The following DCBLD1 variants were observed in gnomAD, a reference collection of about 807,000 sequenced individuals.
DCBLD1 encodes discoidin, CUB and LCCL domain containing 1.
DCBLD1 carries 57 observed loss-of-function variants against 71.5 expected under a neutral mutation model. The ratio of observed to expected loss-of-function variants is 0.80; its 90% CI spans 0.64 to 0.99. DCBLD1 has a LOEUF of 0.99. DCBLD1 is among the 50% of genes least tolerant of loss of function. The pLI is 0.00. For synonymous variants in DCBLD1, 380 were observed against 363.8 expected (o/e 1.04, Z -0.51); for missense variants, 891 against 923.5 (o/e 0.96, Z 0.46).
intron 2 of DCBLD1, among the ~76,000 whole-genome samples, chr6:117,512,101 T>C (rs1327250085): frequency 6.6e-6 from 1 of 152,180 alleles, no homozygotes. Flanking sequence ...GGGTTCCTCC[T>C]CCTCTTTCCC....
intron 1 of DCBLD1, among the ~76,000 whole-genome samples, chr6:117,500,787 C>T (rs1398511880): frequency 1.3e-5 from 2 of 152,110 alleles, no homozygotes; most frequent in East Asian, 1.9e-4. Flanking sequence ...CGCTTGAACC[C>T]AGGAGGCAGA....
intron 14 of DCBLD1, chr6:117,560,794 A>G (rs1779570481): frequency 4.7e-6 from 1 of 212,656 alleles, no homozygotes; most frequent in Admixed American, 5.9e-5. Flanking sequence ...CGTTTTCTCA[A>G]CCATTCTGTT....
chr6:117,502,345 T>C (rs10782186), intron 1 of DCBLD1, among the ~76,000 whole-genome samples: 91,293 of 152,164 alleles, frequency 0.6, 29,286 homozygotes, highest in African/African-American at 0.85. Context: ...AATTCAGCCC[T>C]CTGTCAGGGG....
At chr6:117,558,418 C>G (rs564729875) in intron 14 of DCBLD1, among the ~76,000 whole-genome samples, 1 of 152,146 alleles carries the variant, frequency 6.6e-6, no homozygotes, top group Non-Finnish European at 1.5e-5. Flanking sequence ...GTTCCCCTCT[C>G]CATAAGCTGG....
intron 1 of DCBLD1, among the ~76,000 whole-genome samples, chr6:117,492,628 C>T (rs1262607224): frequency 6.6e-6 from 1 of 152,134 alleles, no homozygotes; most frequent in Non-Finnish European, 1.5e-5. Flanking sequence ...TTACTGGTAG[C>T]TAACCATTGC....
At chr6:117,525,930 A>G (rs1200037144) in intron 5 of DCBLD1, among the ~76,000 whole-genome samples, 1 of 152,170 alleles carries the variant, frequency 6.6e-6, no homozygotes, top group Non-Finnish European at 1.5e-5. Flanking sequence ...TGCATGTTGT[A>G]TCTCAGATAC....
intron 2 of DCBLD1, among the ~76,000 whole-genome samples, chr6:117,512,717 G>C (rs377242283): frequency 6.6e-6 from 1 of 151,816 alleles, no homozygotes; most frequent in South Asian, 2.1e-4. Context: ...GTTCTTATCT[G>C]TCATAAGAAA....
intron 4 of DCBLD1, among the ~76,000 whole-genome samples, chr6:117,524,602 C>A (rs1048961587): frequency 6.6e-6 from 1 of 152,020 alleles, no homozygotes; most frequent in Non-Finnish European, 1.5e-5. Flanking sequence ...CCACTAGCCA[C>A]GGGTACCTAA....
intron 14 of DCBLD1, chr6:117,562,396 T>C (rs899865401): frequency 3.0e-5 from 6 of 199,426 alleles, no homozygotes; most frequent in Non-Finnish European, 6.2e-5. Flanking sequence ...GCCAGGACTA[T>C]CACAAGACAA....
Position 117,545,578 on chromosome 6 carries a change from C to T in DCBLD1, c.1596C>T (p.Leu532=), listed in dbSNP as rs1440598873. Residue 532 remains leucine (L), a synonymous_variant, in exon 14 of 15, where the codon CTC becomes CTT. Coordinates refer to ENST00000338728, the MANE Select transcript of DCBLD1 (RefSeq NM_001366458.2). ...NEKEMTQKLD[L]ITSDMADYQQ... Reference sequence around the variant, plus strand: ...AGGAGATGACACAAAAGTTAGATCTCATCACAAGTGATATGGCAGGTAAGT... The same window carrying T: ...AGGAGATGACACAAAAGTTAGATCTTATCACAAGTGATATGGCAGGTAAGT... 1.2e-6 allele frequency: 2 copies of T among 1,613,840 alleles called. No homozygotes were observed. Among genetic ancestry groups the T allele is most frequent in the Non-Finnish European group, 1.7e-6 (2 of 1,179,958 alleles).
In DCBLD1 at chr6:117,502,370, G is replaced by T. The variant is rs151095631; in HGVS notation, c.113-1397G>T. Among the ~76,000 whole-genome samples, 100 of 152,316 alleles carry T rather than the reference G, an allele frequency of 6.6e-4. 1 individual carries two copies. The highest frequency in any genetic ancestry group is 2.4e-3 in the African/African-American group (98 of 41,576). On this transcript the variant is annotated intron_variant, in intron 1 of 14. Transcript: ENST00000338728. ...TCTGTCAGGGGCTGCCAGGAATCTC[G>T]TGGGAGTTTCTGGATAATGGGTAGA...
downstream of DCBLD1, among the ~76,000 whole-genome samples, chr6:117,553,351 C>T (rs1461946853): frequency 6.6e-6 from 1 of 152,136 alleles, no homozygotes; most frequent in African/African-American, 2.4e-5. Flanking sequence ...TCCTTCCTTC[C>T]TGTGTCAATG....
At chr6:117,517,645 G>A (rs967641284) in intron 2 of DCBLD1, among the ~76,000 whole-genome samples, 7 of 152,190 alleles carry the variant, frequency 4.6e-5, no homozygotes, top group African/African-American at 1.7e-4. Context: ...TGAAATCTAG[G>A]TGGAGGTTCC....
intron 2 of DCBLD1, among the ~76,000 whole-genome samples, chr6:117,509,266 T>C (rs1427269819): frequency 6.6e-6 from 1 of 152,036 alleles, no homozygotes; most frequent in East Asian, 1.9e-4. Flanking sequence ...CCCCCATCTC[T>C]ACAAAAAATA....
At chr6:117,505,565 A>C (rs1777812908) in intron 2 of DCBLD1, among the ~76,000 whole-genome samples, 1 of 152,216 alleles carries the variant, frequency 6.6e-6, no homozygotes, top group Non-Finnish European at 1.5e-5. Context: ...AAGTGACAGC[A>C]ACTAAGGGAA....
intron 6 of DCBLD1, among the ~76,000 whole-genome samples, chr6:117,536,671 C>T (rs969525581): frequency 1.8e-4 from 27 of 152,114 alleles, no homozygotes; most frequent in Middle Eastern, 3.2e-3. Flanking sequence ...AGAGACTGTC[C>T]CCAGAGTAAC....
chr6:117,542,798 TG>T (rs1448019688), intron 11 of DCBLD1, among the ~76,000 whole-genome samples: 1 of 142,822 alleles, frequency 7.0e-6, no homozygotes, highest in East Asian at 2.0e-4. Flanking sequence ...ACCTGAGGGG[TG>T]GGGGAGGGGT....
chr6:117,522,382 G>A (rs1415583617), intron 4 of DCBLD1, among the ~76,000 whole-genome samples: 1 of 152,062 alleles, frequency 6.6e-6, no homozygotes, highest in East Asian at 1.9e-4. Context: ...ATCGCCCCCA[G>A]TGGAGAGCCA....
chr6:117,499,827 A>G (rs2114408576), intron 1 of DCBLD1, among the ~76,000 whole-genome samples: 1 of 152,262 alleles, frequency 6.6e-6, no homozygotes, highest in South Asian at 2.1e-4. Flanking sequence ...GAATGAGGTA[A>G]TAAGAATAAT....
Sources: allele counts gnomAD v4.1 joint callset (sites outside exome capture counted in the v4.1 genomes callset), GRCh38; gene constraint gnomAD v4.1.1; transcripts MANE v1.5; gene names NCBI Gene and HGNC (gene_info 2026-07-23, HGNC 2026-07-21).